The following ZNF729 variants were observed in gnomAD, a reference collection of about 807,000 sequenced individuals.
The protein encoded by ZNF729 is zinc finger protein 729.
In ZNF729, 15 loss-of-function variants were observed where a neutral mutation model predicts 12.2. The observed-to-expected ratio is 1.23, with a 90% CI of 0.82 to 1.89. The LOEUF is 1.89. Among genes scored for constraint, ZNF729 ranks in the 40% most tolerant of loss-of-function variants. The pLI is 0.00. For missense variants in ZNF729, 1,540 were observed against 1,456.7 expected, an observed-to-expected ratio of 1.06 and a Z score of -0.93; for synonymous variants, 492 against 476.3, an observed-to-expected ratio of 1.03 and a Z score of -0.43.
Position 22,313,953 on chromosome 19 carries a change from C to CG in ZNF729, c.536_537insG (p.Lys181GlnfsTer6). On this transcript the variant is annotated frameshift_variant, in exon 4 of 4. Transcript: ENST00000601693. LOFTEE classifies it low-confidence loss of function (END_TRUNC). The stretch of plus-strand genomic sequence containing the variant: ...AAGGTTAGACACACTAAAAAGAAAA[C>CG]TTTCAAATGTATAAAATGTAGCAAA... The CG allele has an allele frequency of 6.5e-7, 1 of 1,536,368 alleles. No homozygotes were observed. Among genetic ancestry groups the CG allele is most frequent in the Non-Finnish European group, 8.7e-7 (1 of 1,143,850 alleles).
At chr19:22,308,053 A>G (rs941284200) in intron 3 of ZNF729, among the ~76,000 whole-genome samples, 2 of 152,000 alleles carry the variant, frequency 1.3e-5, no homozygotes, top group African/African-American at 4.8e-5. Context: ...AGTCCACTGT[A>G]TCATTCTTAT....
chr19:22,293,965 T>C (rs1968189786), intron 1 of ZNF729, among the ~76,000 whole-genome samples: 2 of 152,232 alleles, frequency 1.3e-5, no homozygotes, highest in Non-Finnish European at 2.9e-5. Context: ...GAAGAAGATA[T>C]TTAGTTTAAT....
intron 3 of ZNF729, among the ~76,000 whole-genome samples, chr19:22,305,624 T>A (rs1013847102): frequency 7.2e-5 from 11 of 152,172 alleles, no homozygotes; most frequent in African/African-American, 2.7e-4. Context: ...AAGCATATTG[T>A]GTCCAATATA....
At chr19:22,310,529 C>T (rs889280925) in intron 3 of ZNF729, among the ~76,000 whole-genome samples, 6 of 152,270 alleles carry the variant, frequency 3.9e-5, no homozygotes, top group Middle Eastern at 3.4e-3. Flanking sequence ...GTTAAACCAT[C>T]CCTGCATCAC....
At chr19:22,288,935 G>A (rs76509917) in intron 1 of ZNF729, among the ~76,000 whole-genome samples, 165 of 152,248 alleles carry the variant, frequency 1.1e-3, no homozygotes, top group Admixed American at 2.4e-3. Context: ...TACATCTGGG[G>A]CACTCACTGG....
At chr19:22,307,800 G>GTTTCTTTTT (rs1968400272) in intron 3 of ZNF729, among the ~76,000 whole-genome samples, 1 of 53,336 alleles carries the variant, frequency 1.9e-5, no homozygotes, top group Non-Finnish European at 3.7e-5. Flanking sequence ...AAAGCTCTGT[G>GTTTCTTTTT]TTTTTTTTTT....
In ZNF729 at chr19:22,315,026, A is replaced by G. The variant is rs576341161; in HGVS notation, c.1609A>G (p.Ile537Val). 6.2e-7 allele frequency: 1 copy of G among 1,611,692 alleles called. No individual in the cohort carries two copies. The highest frequency in any genetic ancestry group is 2.2e-5 in the East Asian group (1 of 44,814). Residue 537 changes from isoleucine to valine, a missense_variant, in exon 4 of 4, where the codon ATT becomes GTT. Coordinates refer to ENST00000601693, the MANE Select transcript of ZNF729 (RefSeq NM_001242680.2). Reference protein sequence around the residue: ...QSSTLRNHQIIHTGEKPYKCE... With the variant: ...QSSTLRNHQIVHTGEKPYKCE... ...CTCAACCCTTAGAAACCATCAGATA[A>G]TTCATACTGGAGAGAAACCCTACAA... is the stretch of plus-strand genomic sequence containing the variant.
At position 22,317,135 on chromosome 19, in the gene ZNF729, G is replaced by A. The variant is rs1968560868; in HGVS notation, c.3718G>A (p.Glu1240Lys). 5.6e-6 allele frequency: 9 copies of A among 1,601,480 alleles called. No individual in the cohort carries two copies. Among genetic ancestry groups the A allele is most frequent in the Non-Finnish European group, 7.7e-6 (9 of 1,174,444 alleles). Residue 1240 changes from glutamate to lysine, a missense_variant, in exon 4 of 4, where the codon GAG (glutamate) becomes AAG (lysine). Physicochemically the swap from Glu to Lys is moderately conservative, Grantham distance 56. Coordinates refer to ENST00000601693, the MANE Select transcript of ZNF729 (RefSeq NM_001242680.2). The part of the protein sequence containing the change: ...TLLDKTIHTG[E>K]KPYKCEECAK... The stretch of plus-strand genomic sequence containing the variant: ...ACTAGACAAAACAATTCATACTGGA[G>A]AGAAACCCTACAAATGTGAAGAATG...
chr19:22,295,694 C>T (rs116807864), intron 1 of ZNF729, among the ~76,000 whole-genome samples: 3,350 of 152,210 alleles, frequency 0.022, 109 homozygotes, highest in African/African-American at 0.077. Flanking sequence ...GCCACCGCGC[C>T]CAGTCGATAT....
chr19:22,306,755 T>C (rs1453233839), intron 3 of ZNF729, among the ~76,000 whole-genome samples: 3 of 151,416 alleles, frequency 2.0e-5, no homozygotes, highest in Admixed American at 2.0e-4. Flanking sequence ...AATTATTTCA[T>C]ATTGTGTATT....
At chr19:22,299,311 CT>C (rs1393345064) in intron 1 of ZNF729, 1 of 152,198 alleles carries the variant, frequency 6.6e-6, no homozygotes, top group Non-Finnish European at 1.5e-5. Context: ...CTCACTACAA[CT>C]TCCACTTCCC....
chr19:22,287,862 T>G (rs1255211009), intron 1 of ZNF729, among the ~76,000 whole-genome samples: 5 of 151,666 alleles, frequency 3.3e-5, no homozygotes, highest in African/African-American at 1.2e-4. Flanking sequence ...TTTTTTTTTT[T>G]TGAGATGGAG....
rs113218411 is a variant in ZNF729, at chr19:22,294,281, G to A, written c.30+7726G>A. Among the ~76,000 whole-genome samples the A allele has an allele frequency of 3.0e-3, 453 of 152,252 alleles. 4 individuals carry two copies. Among genetic ancestry groups the A allele is most frequent in the African/African-American group, 0.011 (440 of 41,532 alleles). ...TCAAAGATCAGTTGGTTATAGGCGT[G>A]TGGCATTATTTCTGGGCTCTCTATT... On this transcript the variant is annotated intron_variant, in intron 1 of 3. Coordinates refer to ENST00000601693, the MANE Select transcript of ZNF729 (RefSeq NM_001242680.2).
Position 22,286,551 on chromosome 19 carries a change from A to T in ZNF729, c.26A>T (p.Glu9Val). 6.2e-7 allele frequency: 1 copy of T among 1,613,844 alleles called. No homozygotes were observed. The highest frequency in any genetic ancestry group is 8.5e-7 in the Non-Finnish European group (1 of 1,179,980). ...ATGCCAGGTGCCCCTGGCAGCCTAG[A>T]AATGGTGAGAGTGCCGGGTCCGACA... is the stretch of plus-strand genomic sequence containing the variant. MPGAPGSL[E>V]MGPLTFRDVT... Residue 9 changes from glutamate (E) to valine (V), a missense_variant, in exon 1 of 4, where the codon GAA (glutamate) becomes GTA (valine). By Grantham distance (121) the Glu-to-Val change is moderately radical. Transcript: ENST00000601693.
Position 22,316,027 on chromosome 19 carries a change from T to A in ZNF729, c.2610T>A (p.His870Gln). 1.2e-6 allele frequency: 2 copies of A among 1,609,858 alleles called. No homozygotes were observed. The highest frequency in any genetic ancestry group is 1.7e-6 in the Non-Finnish European group (2 of 1,179,170). Reference protein sequence around the residue: ...AFSQSSSLRKHEIIHSGEKPY... With the variant: ...AFSQSSSLRKQEIIHSGEKPY... The stretch of plus-strand genomic sequence containing the variant: ...GCCAATCCTCATCCCTTAGAAAACA[T>A]GAGATAATTCATAGTGGAGAGAAAC... The change falls in exon 4 of 4, where the codon CAT becomes CAA. Residue 870 changes from histidine to glutamine, a missense_variant. Transcript: ENST00000601693.
Position 22,316,989 on chromosome 19 carries a change from A to C in ZNF729, c.3572A>C (p.Glu1191Ala). The C allele has an allele frequency of 6.2e-7, 1 of 1,612,734 alleles. No homozygotes were observed. Among genetic ancestry groups the C allele is most frequent in the Non-Finnish European group, 8.5e-7 (1 of 1,179,994 alleles). ...IHTGEKPYKC[E>A]ECGKAFIQCS... is the part of the protein sequence containing the mutation. ...ACTGGAGAGAAACCCTACAAATGTG[A>C]AGAATGTGGCAAAGCTTTTATTCAG... is the stretch of plus-strand genomic sequence containing the variant. Residue 1191 changes from glutamate (E) to alanine (A), a missense_variant, in exon 4 of 4, where the codon GAA (glutamate) becomes GCA (alanine). Physicochemically the swap from Glu to Ala is moderately radical, Grantham distance 107. Transcript: ENST00000601693.
chr19:22,304,516 T>C (rs1968355358), intron 2 of ZNF729, among the ~76,000 whole-genome samples, 172 bp from the exon 3 acceptor site: 1 of 152,196 alleles, frequency 6.6e-6, no homozygotes, highest in African/African-American at 2.4e-5. Flanking sequence ...TACCAGGTAG[T>C]AAAATTAAGG....
chr19:22,306,918 C>T (rs1968385165), intron 3 of ZNF729, among the ~76,000 whole-genome samples: 1 of 151,322 alleles, frequency 6.6e-6, no homozygotes, highest in Non-Finnish European at 1.5e-5. Flanking sequence ...ATTTTATTTT[C>T]AACATGAAAG....
chr19:22,307,139 A>G (rs923720479), intron 3 of ZNF729, among the ~76,000 whole-genome samples: 2 of 151,160 alleles, frequency 1.3e-5, no homozygotes, highest in Non-Finnish European at 2.9e-5. Context: ...GATGCTGTCT[A>G]GCATTTTATT....
Sources: allele counts gnomAD v4.1 joint callset (sites outside exome capture counted in the v4.1 genomes callset), GRCh38; gene constraint gnomAD v4.1.1; transcripts MANE v1.5; gene names NCBI Gene and HGNC (gene_info 2026-07-23, HGNC 2026-07-21).